OSBPL11: variants seen among roughly 807,000 people sequenced by gnomAD.
OSBPL11 encodes oxysterol-binding protein-related protein 11.
OSBPL11 carries 33 observed loss-of-function variants against 84.4 expected under a neutral mutation model. The observed-to-expected ratio is 0.39, with a 90% CI of 0.30 to 0.52. The LOEUF (loss-of-function observed/expected upper bound fraction) is 0.52. OSBPL11 is among the 20% of genes least tolerant of loss of function. The probability of loss-of-function intolerance (pLI) is 0.72; values close to 1 mark genes in which losing one functional copy is unlikely to be tolerated. For synonymous variants in OSBPL11, 276 were observed against 310.2 expected (o/e 0.89, Z 1.16); for missense variants, 736 against 901.1 (o/e 0.82, Z 2.35).
intron 11 of OSBPL11, among the ~76,000 whole-genome samples, chr3:125,535,526 C>T (rs1935629220): frequency 6.8e-6 from 1 of 148,102 alleles, no homozygotes; most frequent in East Asian, 2.0e-4. Flanking sequence ...TCACTGCAAC[C>T]TCCACCTCCT....
chr3:125,538,155 T>C (rs1935669967), intron 11 of OSBPL11, among the ~76,000 whole-genome samples: 1 of 152,230 alleles, frequency 6.6e-6, no homozygotes, highest in Non-Finnish European at 1.5e-5. Flanking sequence ...TTGTTAATAA[T>C]ATAACAAAAT....
intron 1 of OSBPL11, among the ~76,000 whole-genome samples, chr3:125,588,184 T>C (rs535211029): frequency 7.5e-5 from 11 of 146,584 alleles, no homozygotes; most frequent in Non-Finnish European, 7.4e-5. Context: ...ATCCTGCCAC[T>C]GTACTCCAGG....
intron 1 of OSBPL11, 21 bp from the exon 2 acceptor site, chr3:125,582,999 CAA>C (rs1936451098): frequency 6.5e-6 from 10 of 1,539,392 alleles, no homozygotes; most frequent in Non-Finnish European, 7.9e-6. Context: ...ATGAAAAAGC[CAA>C]AGTTAGTAAA....
chr3:125,553,833 C>A (rs1164004937), intron 8 of OSBPL11, among the ~76,000 whole-genome samples: 2 of 152,194 alleles, frequency 1.3e-5, no homozygotes, highest in African/African-American at 2.4e-5. Flanking sequence ...GAATTGAACA[C>A]ATGCATCTTA....
At position 125,552,184 on chromosome 3, in the gene OSBPL11, C is replaced by A; in HGVS notation, c.1651G>T (p.Glu551Ter). The A allele has an allele frequency of 6.4e-7, 1 of 1,553,478 alleles. No individual in the cohort carries two copies. The highest frequency in any genetic ancestry group is 2.0e-5 in the Admixed American group (1 of 49,982). Residue 551 changes from glutamate (E) to a stop codon, truncating the protein, a stop_gained, in exon 9 of 13, where the codon GAA becomes TAA. Transcript: ENST00000296220. LOFTEE classifies it high-confidence loss of function. ...GMSIGVTMVG[E>*]GILSLLEHGE... The stretch of plus-strand genomic sequence containing the variant: ...ATAAAATAATTTTTCTACTTACCTT[C>A]TCCAACCATTGTCACGCCTATTGAC...
chr3:125,547,407 G>C lies in OSBPL11; in HGVS notation c.1840C>G (p.Arg614Gly). ...AGATAATCATTAAAATGTTCTTACC[G>C]ATGCAGTTTGCCACCATAAAATGGC... is the stretch of plus-strand genomic sequence containing the variant. ...TKPFYGGKLH[R>G]VTAEVKHNIT... Residue 614 changes from arginine to glycine, a missense_variant and splice_region_variant, in exon 10 of 13, where the codon CGG (arginine) becomes GGG (glycine). Transcript: ENST00000296220. The C allele has an allele frequency of 1.2e-6, 2 of 1,611,556 alleles. No individual in the cohort carries two copies. Among genetic ancestry groups the C allele is most frequent in the Non-Finnish European group, 1.7e-6 (2 of 1,178,680 alleles).
At chr3:125,550,413 C>T (rs60141966) in intron 9 of OSBPL11, among the ~76,000 whole-genome samples, 2 of 99,732 alleles carry the variant, frequency 2.0e-5, no homozygotes, top group South Asian at 6.4e-4. Context: ...ACACAACAAA[C>T]AAAAAAAAAA....
chr3:125,559,029 A>T (rs1936033552), intron 8 of OSBPL11, among the ~76,000 whole-genome samples: 1 of 152,226 alleles, frequency 6.6e-6, no homozygotes, highest in Non-Finnish European at 1.5e-5. Context: ...GTTTTAGTAA[A>T]TGAAGTTTTG....
chr3:125,556,849 G>A (rs190989877), intron 8 of OSBPL11, among the ~76,000 whole-genome samples: 1 of 152,280 alleles, frequency 6.6e-6, no homozygotes, highest in African/African-American at 2.4e-5. Context: ...AAAAAGTAGA[G>A]GACTATAAAT....
At chr3:125,561,981 C>A (rs115397249) in intron 7 of OSBPL11, among the ~76,000 whole-genome samples, 1 of 152,168 alleles carries the variant, frequency 6.6e-6, no homozygotes, top group African/African-American at 2.4e-5. Context: ...ACCAGGCAAG[C>A]TTTCTCTTCA....
intron 10 of OSBPL11, among the ~76,000 whole-genome samples, chr3:125,542,734 T>A (rs184885849): frequency 1.3e-3 from 201 of 152,204 alleles, no homozygotes; most frequent in Admixed American, 2.4e-3. Flanking sequence ...ATGGTCTCGA[T>A]CTCCTGATCT....
intron 1 of OSBPL11, among the ~76,000 whole-genome samples, chr3:125,590,615 G>T (rs1336591042): frequency 6.6e-6 from 1 of 151,892 alleles, no homozygotes; most frequent in Non-Finnish European, 1.5e-5. Context: ...TGCCACTGAT[G>T]CCCTTCCTTT....
In OSBPL11 at chr3:125,560,481, A is replaced by G. The variant is rs773507025; in HGVS notation, c.1053T>C (p.Asp351=). The G allele has an allele frequency of 1.6e-5, 26 of 1,599,924 alleles. No individual in the cohort carries two copies. Among genetic ancestry groups the G allele is most frequent in the Non-Finnish European group, 2.1e-5 (25 of 1,172,288 alleles). ...GGTCATCCTCTTTGTGGTCACATGT[A>G]TCCTCTATCTCATCATCTGCATTTA... is the stretch of plus-strand genomic sequence containing the variant. ...EEINADDEIE[D]TCDHKEDDLG... is the part of the protein sequence containing the mutation. Residue 351 remains aspartate, a synonymous_variant, in exon 8 of 13, where the codon GAT becomes GAC. Transcript: ENST00000296220.
intron 8 of OSBPL11, among the ~76,000 whole-genome samples, chr3:125,558,871 T>C (rs1382029055): frequency 3.9e-5 from 6 of 152,220 alleles, no homozygotes; most frequent in Non-Finnish European, 5.9e-5. Flanking sequence ...TCTGGTCCAC[T>C]AAGTCTGGGA....
chr3:125,582,929 C>A lies in OSBPL11; in HGVS notation c.214G>T (p.Val72Phe). Reference sequence around the variant, plus strand: ...ACTTACCTGTACTGCCACCCAGTGACAAGGTTGGTATACTTCATTAAATAG... The same window carrying A: ...ACTTACCTGTACTGCCACCCAGTGAAAAGGTTGGTATACTTCATTAAATAG... ...YGYLMKYTNL[V>F]TGWQYRFFVL... Residue 72 changes from valine (V) to phenylalanine (F), a missense_variant, in exon 2 of 13, where the codon GTC becomes TTC. Val to Phe is a conservative substitution (Grantham distance 50). Transcript: ENST00000296220. 6.2e-7 allele frequency: 1 copy of A among 1,602,138 alleles called. No individual in the cohort carries two copies. The highest frequency in any genetic ancestry group is 8.5e-7 in the Non-Finnish European group (1 of 1,176,576).
chr3:125,594,857 T>C lies in OSBPL11; in HGVS notation c.-57A>G, dbSNP rs1033552831. ...GCGGGAGAGAACAATTCTGTAGTTCTGTAGGTGACTTTTTTTTTTTAAGAT... is the reference window on the plus strand; with the variant it reads ...GCGGGAGAGAACAATTCTGTAGTTCCGTAGGTGACTTTTTTTTTTTAAGAT... On this transcript the variant is annotated 5_prime_UTR_variant, in exon 1 of 13. Coordinates refer to ENST00000296220, the MANE Select transcript of OSBPL11 (RefSeq NM_022776.5). 4 of 1,541,194 alleles carry C rather than the reference T, an allele frequency of 2.6e-6. No individual in the cohort carries two copies. In the Admixed American group the frequency reaches 6.4e-5, roughly 25 times the overall value.
At chr3:125,544,673 G>A (rs1421148373) in intron 10 of OSBPL11, among the ~76,000 whole-genome samples, 2 of 152,134 alleles carry the variant, frequency 1.3e-5, no homozygotes, top group Non-Finnish European at 2.9e-5. Context: ...GATTTGAGCA[G>A]ATCAGAATTT....
chr3:125,581,470 T>G (rs1391635011), intron 2 of OSBPL11, among the ~76,000 whole-genome samples: 1 of 150,262 alleles, frequency 6.7e-6, no homozygotes, highest in Non-Finnish European at 1.5e-5. Context: ...CCAAGGCGGG[T>G]GGACTGCCTG....
Position 125,560,526 on chromosome 3 carries a change from G to T in OSBPL11, c.1015-7C>A. The T allele has an allele frequency of 3.9e-6, 6 of 1,545,876 alleles. No homozygotes were observed. The highest frequency in any genetic ancestry group is 4.4e-6 in the Non-Finnish European group (5 of 1,141,436). ...CATTTATTTCTTCAGGCTCCTTGAT[G>T]GAAAACAAAGCAAAAGTCTAGTATT... On this transcript the variant is annotated splice_polypyrimidine_tract_variant and splice_region_variant and intron_variant, in intron 7 of 12. Transcript: ENST00000296220.
Sources: allele counts gnomAD v4.1 joint callset (sites outside exome capture counted in the v4.1 genomes callset), GRCh38; gene constraint gnomAD v4.1.1; transcripts MANE v1.5; gene names NCBI Gene and HGNC (gene_info 2026-07-23, HGNC 2026-07-21).